Variants in DSCAM observed in about 807,000 individuals in gnomAD.
DSCAM encodes DS cell adhesion molecule.
DSCAM carries 47 observed loss-of-function variants against 217.7 expected under a neutral mutation model. That is an observed-to-expected ratio of 0.22 (90% confidence interval 0.17 to 0.28). The LOEUF (loss-of-function observed/expected upper bound fraction) is 0.28. Among genes scored for constraint, DSCAM ranks in the 10% least tolerant of loss-of-function variants. The probability of loss-of-function intolerance (pLI) is 1.00; values close to 1 mark genes in which losing one functional copy is unlikely to be tolerated. For synonymous variants in DSCAM, 1,056 were observed against 1,015.3 expected, an observed-to-expected ratio of 1.04 and a Z score of -0.76; for missense variants, 2,080 against 2,618.3, an observed-to-expected ratio of 0.79 and a Z score of 4.49.
At chr21:40,563,772 TTATATA>T (rs59999408) in intron 3 of DSCAM, among the ~76,000 whole-genome samples, 1 of 146,742 alleles carries the variant, frequency 6.8e-6, no homozygotes, top group Non-Finnish European at 1.5e-5. Flanking sequence ...GTTTGTATGT[TTATATA>T]TATGTTTATA....
chr21:40,166,141 T>A (rs983509096), intron 16 of DSCAM, among the ~76,000 whole-genome samples: 1 of 152,118 alleles, frequency 6.6e-6, no homozygotes, highest in Admixed American at 6.5e-5. Flanking sequence ...GGTCATCTTA[T>A]GAAAGAACCC....
chr21:40,665,851 C>T (rs1349640425), intron 3 of DSCAM, among the ~76,000 whole-genome samples: 1 of 152,250 alleles, frequency 6.6e-6, no homozygotes, highest in African/African-American at 2.4e-5. Context: ...TTGTCCGCTG[C>T]CATGACCTCG....
chr21:40,475,622 G>T (rs1165017437), intron 3 of DSCAM, among the ~76,000 whole-genome samples: 1 of 152,176 alleles, frequency 6.6e-6, no homozygotes, highest in Non-Finnish European at 1.5e-5. Flanking sequence ...CACAAGGTCA[G>T]GAGTTCAAGA....
At chr21:40,746,148 A>G (rs572824652) in intron 1 of DSCAM, among the ~76,000 whole-genome samples, 7 of 151,936 alleles carry the variant, frequency 4.6e-5, no homozygotes, top group Non-Finnish European at 8.8e-5. Context: ...GGTAGAAAGG[A>G]TCTATAAAAC....
intron 3 of DSCAM, among the ~76,000 whole-genome samples, chr21:40,471,839 A>C (rs1282431232): frequency 6.6e-6 from 1 of 152,118 alleles, no homozygotes; most frequent in African/African-American, 2.4e-5. Context: ...ACATGTGCAC[A>C]ATGTGCAGGT....
At chr21:40,646,646 T>C (rs2089950828) in intron 3 of DSCAM, among the ~76,000 whole-genome samples, 1 of 151,906 alleles carries the variant, frequency 6.6e-6, no homozygotes, top group Non-Finnish European at 1.5e-5. Context: ...AAGCGAAGAG[T>C]GGCTGGCAGA....
At chr21:40,140,889 C>T (rs1171008281) in intron 18 of DSCAM, among the ~76,000 whole-genome samples, 3 of 150,754 alleles carry the variant, frequency 2.0e-5, no homozygotes, top group Non-Finnish European at 2.9e-5. Context: ...AGCTCAGTGT[C>T]GAGTGGGTGT....
chr21:40,267,773 G>GT (rs1404037904), intron 11 of DSCAM, among the ~76,000 whole-genome samples: 1 of 152,134 alleles, frequency 6.6e-6, no homozygotes, highest in East Asian at 1.9e-4. Flanking sequence ...GCAGGTGCCT[G>GT]TAAGTCCAGC....
intron 10 of DSCAM, among the ~76,000 whole-genome samples, chr21:40,293,923 C>T (rs1234810117): frequency 1.3e-5 from 2 of 152,132 alleles, no homozygotes; most frequent in East Asian, 3.9e-4. Context: ...CAGCAACAAT[C>T]ATCAAACTTT....
intron 11 of DSCAM, among the ~76,000 whole-genome samples, chr21:40,203,809 T>C (rs534161963): frequency 8.1e-4 from 124 of 152,328 alleles, no homozygotes; most frequent in South Asian, 2.3e-3. Flanking sequence ...GCTTTTCATA[T>C]ATATGTATAG....
At chr21:40,689,587 A>G (rs2146444129) in intron 3 of DSCAM, among the ~76,000 whole-genome samples, 1 of 152,342 alleles carries the variant, frequency 6.6e-6, no homozygotes, top group South Asian at 2.1e-4. Context: ...TCCATGGCTG[A>G]TTTAGTTAAT....
At chr21:40,653,810 T>C (rs2090042523) in intron 3 of DSCAM, among the ~76,000 whole-genome samples, 1 of 152,172 alleles carries the variant, frequency 6.6e-6, no homozygotes, top group African/African-American at 2.4e-5. Flanking sequence ...TTAAAACTCA[T>C]ACCTGGCCAG....
intron 3 of DSCAM, 145 bp from the exon 4 acceptor site, chr21:40,369,390 G>GTGTA: frequency 6.6e-6 from 3 of 456,230 alleles, no homozygotes; most frequent in East Asian, 6.6e-5. Flanking sequence ...GTCTGCGTGT[G>GTGTA]TGTGTGTGTG....
rs563472882 is a variant in DSCAM, at chr21:40,653,963, C to T, written c.508+38847G>A. The stretch of plus-strand genomic sequence containing the variant: ...TATAAAAACTAGCCAGGCATTGTGG[C>T]GGGCACCTGTAATCCCAGCTACTCG... On this transcript the variant is annotated intron_variant, in intron 3 of 32. Transcript: ENST00000400454. 7.0e-4 allele frequency among the ~76,000 whole-genome samples: 106 copies of T among 151,924 alleles called. 1 individual carries two copies. In the South Asian group the frequency reaches 8.7e-3, roughly 13 times the overall value.
chr21:40,241,804 T>C lies in DSCAM; in HGVS notation c.2356+34293A>G, dbSNP rs73368136. Among the ~76,000 whole-genome samples, 480 of 152,294 alleles carry C rather than the reference T, an allele frequency of 3.2e-3. 5 individuals carry two copies. Among genetic ancestry groups the C allele is most frequent in the African/African-American group, 0.011 (457 of 41,560 alleles). On this transcript the variant is annotated intron_variant, in intron 11 of 32. Transcript: ENST00000400454. ...ACTGCCGTATATATACACCATGGAA[T>C]ACCATGCGGCCATAAAAAAGAATGA...
chr21:40,126,749 A>ACTT (rs1347401261), intron 19 of DSCAM, among the ~76,000 whole-genome samples: 1 of 152,124 alleles, frequency 6.6e-6, no homozygotes, highest in Non-Finnish European at 1.5e-5. Context: ...CGATCAAGGG[A>ACTT]CTTTTACTGC....
intron 3 of DSCAM, among the ~76,000 whole-genome samples, chr21:40,422,499 G>T (rs376930182): frequency 6.6e-6 from 1 of 151,852 alleles, no homozygotes; most frequent in African/African-American, 2.4e-5. Flanking sequence ...AAAATTAGCC[G>T]GTCATGGTGG....
At chr21:40,351,650 C>A (rs1011064225) in intron 5 of DSCAM, among the ~76,000 whole-genome samples, 4 of 152,060 alleles carry the variant, frequency 2.6e-5, no homozygotes, top group Non-Finnish European at 5.9e-5. Flanking sequence ...TTTTCTTCTG[C>A]AGTTAGAAGA....
intron 10 of DSCAM, among the ~76,000 whole-genome samples, chr21:40,294,530 C>T (rs542003627): frequency 2.0e-5 from 3 of 152,262 alleles, no homozygotes; most frequent in African/African-American, 7.2e-5. Flanking sequence ...TGGCTGGTGC[C>T]TTTTCACTTC....
Sources: allele counts gnomAD v4.1 joint callset (sites outside exome capture counted in the v4.1 genomes callset), GRCh38; gene constraint gnomAD v4.1.1; transcripts MANE v1.5; gene names NCBI Gene and HGNC (gene_info 2026-07-23, HGNC 2026-07-21).